The following NUP43 variants were observed in gnomAD, a reference collection of about 807,000 sequenced individuals.
NUP43 encodes nucleoporin Nup43.
Under a neutral mutation model 47.3 loss-of-function variants are expected in NUP43, and 32 were observed. That is an observed-to-expected ratio of 0.68 (90% CI 0.51 to 0.91). NUP43 has a LOEUF of 0.91. Among genes scored for constraint, NUP43 ranks in the 40% least tolerant of loss-of-function variants. NUP43 has a pLI of 0.00. For synonymous variants in NUP43, 147 were observed against 158.4 expected (o/e 0.93, Z 0.54); for missense variants, 444 against 453.9 (o/e 0.98, Z 0.20).
At chr6:149,736,756 A>G in intron 5 of NUP43, 134 bp from the exon 6 acceptor site, 1 of 690,988 alleles carries the variant, frequency 1.4e-6, no homozygotes, top group Non-Finnish European at 2.4e-6. Context: ...CGCTGCAATC[A>G]TTGCTTACTG....
chr6:149,731,541 T>G (rs568897904), intron 7 of NUP43, 72 bp downstream of exon 7: 2 of 1,363,018 alleles, frequency 1.5e-6, no homozygotes, highest in South Asian at 2.7e-5. Context: ...CCAGCCTGGG[T>G]GATAGAGTGA....
intron 6 of NUP43, among the ~76,000 whole-genome samples, chr6:149,735,510 G>A (rs941713208): frequency 4.1e-5 from 6 of 147,168 alleles, no homozygotes; most frequent in Non-Finnish European, 8.9e-5. Flanking sequence ...TGGGAGAATC[G>A]TGTAAGTCCA....
In NUP43 at chr6:149,731,711, G is replaced by A; in HGVS notation, c.815C>T (p.Ser272Phe). Reference protein sequence around the residue: ...AEMWEVHFHPSNPEHLFTCSE... With the variant: ...AEMWEVHFHPFNPEHLFTCSE... Reference sequence around the variant, plus strand: ...GCAGGTAAAAAGATGTTCTGGGTTGGATGGGTGAAAGTGAACTTCCCACAC... The same window carrying A: ...GCAGGTAAAAAGATGTTCTGGGTTGAATGGGTGAAAGTGAACTTCCCACAC... The change falls in exon 7 of 8, where the codon TCC (serine) becomes TTC (phenylalanine). Residue 272 changes from serine to phenylalanine, a missense_variant. Physicochemically the swap from Ser to Phe is radical, Grantham distance 155. Transcript: ENST00000340413. The A allele has an allele frequency of 1.2e-6, 2 of 1,613,868 alleles. No homozygotes were observed. The highest frequency in any genetic ancestry group is 8.5e-7 in the Non-Finnish European group (1 of 1,179,806).
Position 149,733,363 on chromosome 6 carries a change from T to C in NUP43, c.791-1628A>G, listed in dbSNP as rs549452604. Among the ~76,000 whole-genome samples the C allele has an allele frequency of 6.6e-5, 10 of 152,306 alleles. No individual in the cohort carries two copies. The South Asian group carries it at 2.1e-3, about 32-fold the overall frequency. On this transcript the variant is annotated intron_variant, in intron 6 of 7. Transcript: ENST00000340413. Reference sequence around the variant, plus strand: ...TTGTTGATTATTTATCAAGAAAAACTATTTCTTAGCCCACATATGTATGCT... The same window carrying C: ...TTGTTGATTATTTATCAAGAAAAACCATTTCTTAGCCCACATATGTATGCT...
upstream of NUP43, among the ~76,000 whole-genome samples, chr6:149,749,016 C>T (rs1786174279): frequency 6.6e-6 from 1 of 152,014 alleles, no homozygotes; most frequent in African/African-American, 2.4e-5. Flanking sequence ...ACACTTACGT[C>T]GGGAGAATAA....
intron 4 of NUP43, among the ~76,000 whole-genome samples, chr6:149,740,819 C>T (rs1226640796): frequency 6.6e-6 from 1 of 152,140 alleles, no homozygotes; most frequent in Non-Finnish European, 1.5e-5. Flanking sequence ...TTTTGCATTA[C>T]AGACTCTTTG....
chr6:149,742,236 G>T (rs1228257750), intron 4 of NUP43, among the ~76,000 whole-genome samples, 154 bp downstream of exon 4: 1 of 152,158 alleles, frequency 6.6e-6, no homozygotes, highest in Non-Finnish European at 1.5e-5. Flanking sequence ...ATGTTGGTCA[G>T]GCTGGTCTCG....
At chr6:149,739,655 T>C (rs1051446293) in intron 4 of NUP43, among the ~76,000 whole-genome samples, 3 of 151,936 alleles carry the variant, frequency 2.0e-5, no homozygotes, top group African/African-American at 4.8e-5. Context: ...ATTGTTACCC[T>C]GCATTTCTGA....
chr6:149,731,870 A>AAAGGCTTCAGAATT, intron 6 of NUP43, 135 bp from the exon 7 acceptor site: 1 of 853,018 alleles, frequency 1.2e-6, no homozygotes, highest in South Asian at 1.8e-5. Flanking sequence ...CCTAAAAATT[A>AAAGGCTTCAGAATT]AAGGCTTCAG....
At chr6:149,746,125 G>A (rs779743503) in intron 1 of NUP43, 63 bp from the exon 2 acceptor site, 55 of 1,569,994 alleles carry the variant, frequency 3.5e-5, no homozygotes, top group Non-Finnish European at 4.4e-5. Flanking sequence ...AATAAAAGTT[G>A]TGCTCCCGTC....
In NUP43 at chr6:149,724,383, C is replaced by T. The variant is rs1378654186; in HGVS notation, c.*2586G>A. ...GACATTAAAGCGTCCCAACACAAAG[C>T]AGATTCGAACATAACAACTGGTGAT... On this transcript the variant is annotated 3_prime_UTR_variant, in exon 8 of 8. Transcript: ENST00000340413. The T allele has an allele frequency of 6.6e-6, 1 of 151,998 alleles. No homozygotes were observed. The highest frequency in any genetic ancestry group is 1.9e-4 in the East Asian group (1 of 5,182). The allele number at this position is 151,998 out of a possible 1,614,324, so 9.4% of individuals were successfully genotyped here. A position where few individuals can be genotyped will look rare whatever the true frequency, so the allele number is the denominator to read the frequency against.
At chr6:149,748,395 G>A (rs1786132115), upstream of NUP43, among the ~76,000 whole-genome samples, 1 of 152,190 alleles carries the variant, frequency 6.6e-6, no homozygotes, top group Non-Finnish European at 1.5e-5. Context: ...CAGAAAATAG[G>A]TAATGTTGAT....
chr6:149,737,696 C>T (rs1054629902), intron 5 of NUP43, among the ~76,000 whole-genome samples: 7 of 152,102 alleles, frequency 4.6e-5, no homozygotes, highest in African/African-American at 7.2e-5. Flanking sequence ...TCTTAGCTCA[C>T]TGCAAACTCT....
chr6:149,746,425 C>T lies in NUP43; in HGVS notation c.71G>A (p.Gly24Glu), dbSNP rs1786007028. ...GAACGTCTCCGCGGTCTGTAAACTTCCCGGAGGCAGCGGTCGCCAGCGGGT... is the reference window on the plus strand; with the variant it reads ...GAACGTCTCCGCGGTCTGTAAACTTTCCGGAGGCAGCGGTCGCCAGCGGGT... ...SKTRWRPLPPGSLQTAETFAT... is the reference protein window; with the variant it reads ...SKTRWRPLPPESLQTAETFAT... The change falls in exon 1 of 8, where the codon GGA becomes GAA. Residue 24 changes from glycine to glutamate, a missense_variant. Transcript: ENST00000340413. 1 of 1,614,218 alleles carries T rather than the reference C, an allele frequency of 6.2e-7. No homozygotes were observed. The highest frequency in any genetic ancestry group is 2.2e-5 in the East Asian group (1 of 44,886).
intron 3 of NUP43, 142 bp from the exon 4 acceptor site, chr6:149,742,712 AG>A: frequency 4.9e-6 from 3 of 606,254 alleles, no homozygotes; most frequent in Non-Finnish European, 8.4e-6. Flanking sequence ...AATGAAATCT[AG>A]AAACTACTGC....
intron 2 of NUP43, among the ~76,000 whole-genome samples, chr6:149,744,754 T>C (rs1196285727): frequency 6.6e-6 from 1 of 151,420 alleles, no homozygotes; most frequent in Non-Finnish European, 1.5e-5. Context: ...GAGAATTGCT[T>C]GAACCCAGGA....
Position 149,745,962 on chromosome 6 carries a change from T to G in NUP43, c.221A>C (p.His74Pro). 1 of 1,612,676 alleles carries G rather than the reference T, an allele frequency of 6.2e-7. No individual in the cohort carries two copies. Among genetic ancestry groups the G allele is most frequent in the Middle Eastern group, 1.7e-4 (1 of 6,058 alleles). ...TACCTGTAAATCCATTACATCACCA[T>G]GGTGTCTGATATCACACAATAACTG... ...DHQLLCDIRHHGDVMDLQFFD... is the reference protein window; with the variant it reads ...DHQLLCDIRHPGDVMDLQFFD... Residue 74 changes from histidine (H) to proline (P), a missense_variant, in exon 2 of 8, where the codon CAT becomes CCT. His to Pro is a moderately conservative substitution (Grantham distance 77). Coordinates refer to ENST00000340413, the MANE Select transcript of NUP43 (RefSeq NM_198887.3).
chr6:149,744,699 G>A (rs1325297258), intron 2 of NUP43, among the ~76,000 whole-genome samples: 1 of 151,742 alleles, frequency 6.6e-6, no homozygotes, highest in Non-Finnish European at 1.5e-5. Context: ...AGCCAGGCAT[G>A]GTGGCATGTG....
intron 6 of NUP43, among the ~76,000 whole-genome samples, chr6:149,735,922 G>GT (rs1220564636): frequency 6.7e-6 from 1 of 149,286 alleles, no homozygotes; most frequent in Non-Finnish European, 1.5e-5. Context: ...GTAGTGAGCC[G>GT]TGACTGCACC....
Sources: gnomAD v4.1 joint callset for allele counts (sites outside exome capture counted in the v4.1 genomes callset) on GRCh38, gnomAD v4.1.1 for gene constraint, MANE v1.5 for transcripts, NCBI Gene and HGNC (gene_info 2026-07-23, HGNC 2026-07-21) for gene names.